NELL1: variants seen among roughly 807,000 people sequenced by gnomAD.
NELL1 encodes the protein neural EGFL like 1, also known as protein kinase C-binding protein NELL1.
In NELL1, 76 loss-of-function variants were observed where a neutral mutation model predicts 107.4. The ratio of observed to expected loss-of-function variants is 0.71; its 90% CI spans 0.59 to 0.86. The LOEUF (loss-of-function observed/expected upper bound fraction) is 0.86. Among genes scored for constraint, NELL1 ranks in the 40% least tolerant of loss-of-function variants. The pLI, the probability that NELL1 is intolerant of heterozygous loss-of-function variation, is 0.00. For missense variants in NELL1, 1,024 were observed against 1,005.5 expected (o/e 1.02, Z -0.25); for synonymous variants, 353 against 341.2 (o/e 1.03, Z -0.38).
chr11:21,412,625 G>T (rs1305509870), intron 15 of NELL1, among the ~76,000 whole-genome samples: 4 of 152,072 alleles, frequency 2.6e-5, no homozygotes, highest in Non-Finnish European at 4.4e-5. Context: ...AGGGAAGTGT[G>T]TCTACGGAAC....
chr11:21,433,256 A>G (rs1361627225), intron 15 of NELL1, among the ~76,000 whole-genome samples: 1 of 152,070 alleles, frequency 6.6e-6, no homozygotes, highest in Non-Finnish European at 1.5e-5. Flanking sequence ...TATATGCCAC[A>G]TTTTCTGTAT....
chr11:21,182,880 G>T (rs992579321), intron 13 of NELL1, among the ~76,000 whole-genome samples: 2 of 151,808 alleles, frequency 1.3e-5, no homozygotes, highest in South Asian at 4.1e-4. Context: ...ACTGCTACTG[G>T]AAAGAAAATT....
At chr11:20,915,220 T>C (rs1050062714) in intron 5 of NELL1, among the ~76,000 whole-genome samples, 1 of 152,018 alleles carries the variant, frequency 6.6e-6, no homozygotes, top group Non-Finnish European at 1.5e-5. Context: ...GCAATAATTT[T>C]AACCATTGTG....
At chr11:21,477,473 G>A (rs1295699254) in intron 15 of NELL1, among the ~76,000 whole-genome samples, 1 of 152,140 alleles carries the variant, frequency 6.6e-6, no homozygotes, top group African/African-American at 2.4e-5. Context: ...AAGAGCCATA[G>A]CATTACTGGG....
intron 12 of NELL1, among the ~76,000 whole-genome samples, chr11:20,977,191 G>T (rs1284810694): frequency 2.6e-5 from 4 of 151,328 alleles, no homozygotes; most frequent in Admixed American, 6.6e-5. Context: ...TTTCCTTAGG[G>T]TATTTTATAG....
intron 15 of NELL1, among the ~76,000 whole-genome samples, chr11:21,527,022 G>C (rs1176393597): frequency 6.6e-6 from 1 of 152,106 alleles, no homozygotes; most frequent in African/African-American, 2.4e-5. Flanking sequence ...CTCTTCTACT[G>C]CACCATTAGG....
At chr11:20,972,843 T>C (rs1348542236) in intron 12 of NELL1, among the ~76,000 whole-genome samples, 1 of 152,170 alleles carries the variant, frequency 6.6e-6, no homozygotes, top group African/African-American at 2.4e-5. Context: ...GGGACATCAG[T>C]TGTTAGTCTG....
At chr11:20,894,624 A>G (rs931603526) in intron 5 of NELL1, among the ~76,000 whole-genome samples, 31 of 152,196 alleles carry the variant, frequency 2.0e-4, no homozygotes, top group African/African-American at 7.0e-4. Context: ...CATACCATGT[A>G]TTTGCAAGGA....
chr11:21,190,656 T>G (rs1857030611), intron 13 of NELL1, among the ~76,000 whole-genome samples: 1 of 151,854 alleles, frequency 6.6e-6, no homozygotes, highest in African/African-American at 2.4e-5. Flanking sequence ...TTCTGACAAC[T>G]AAATACAGGA....
At position 21,054,416 on chromosome 11, in the gene NELL1, A is replaced by C. The variant is rs190774740; in HGVS notation, c.1301-59173A>C. On this transcript the variant is annotated intron_variant, in intron 12 of 19. Transcript: ENST00000357134. ...AGTGTTGTGATTATCTTGTATATAT[A>C]TTTTTGTGAGTATATTTATTATTTT... Among the ~76,000 whole-genome samples the C allele has an allele frequency of 5.1e-3, 775 of 152,138 alleles. 4 individuals are homozygous for C. Among genetic ancestry groups the C allele is most frequent in the African/African-American group, 0.018 (730 of 41,540 alleles).
chr11:21,310,786 A>G (rs1215978939), intron 14 of NELL1, among the ~76,000 whole-genome samples: 1 of 152,048 alleles, frequency 6.6e-6, no homozygotes, highest in East Asian at 1.9e-4. Flanking sequence ...CAGAGATGGG[A>G]GGAACTTTCC....
At chr11:21,137,361 GT>G (rs386751371) in intron 13 of NELL1, among the ~76,000 whole-genome samples, 371 of 152,338 alleles carry the variant, frequency 2.4e-3, no homozygotes, top group African/African-American at 7.3e-3. Flanking sequence ...GGCAGAAAGA[GT>G]TGGTGGTTGG....
intron 13 of NELL1, among the ~76,000 whole-genome samples, chr11:21,159,498 C>A (rs1856315058): frequency 6.6e-6 from 1 of 152,212 alleles, no homozygotes; most frequent in African/African-American, 2.4e-5. Flanking sequence ...ATTTTGCCAA[C>A]TCTGGGAAAT....
At chr11:20,906,280 TGAA>T (rs1849996139) in intron 5 of NELL1, among the ~76,000 whole-genome samples, 1 of 152,070 alleles carries the variant, frequency 6.6e-6, no homozygotes, top group Non-Finnish European at 1.5e-5. Flanking sequence ...GACTGGATCA[TGAA>T]GAAGACCGGA....
At chr11:20,978,827 A>G (rs1851693116) in intron 12 of NELL1, among the ~76,000 whole-genome samples, 1 of 152,026 alleles carries the variant, frequency 6.6e-6, no homozygotes, top group Non-Finnish European at 1.5e-5. Flanking sequence ...TTACCCTGCA[A>G]AATCAGATTC....
chr11:20,892,515 G>T (rs1192554523), intron 5 of NELL1, among the ~76,000 whole-genome samples: 1 of 152,230 alleles, frequency 6.6e-6, no homozygotes, highest in African/African-American at 2.4e-5. Flanking sequence ...CATTGTGGAC[G>T]ATAGTATGGT....
intron 12 of NELL1, among the ~76,000 whole-genome samples, chr11:20,991,090 G>A (rs1186186094): frequency 6.6e-6 from 1 of 152,180 alleles, no homozygotes; most frequent in African/African-American, 2.4e-5. Flanking sequence ...TTATCCTAAG[G>A]AAGTATTCAG....
intron 3 of NELL1, among the ~76,000 whole-genome samples, chr11:20,834,660 G>A (rs1207514976): frequency 3.3e-5 from 5 of 150,934 alleles, no homozygotes; most frequent in South Asian, 2.1e-4. Flanking sequence ...CTGAGATCAC[G>A]CCACTGAACT....
At chr11:21,067,053 G>A (rs1469947250) in intron 12 of NELL1, among the ~76,000 whole-genome samples, 2 of 152,126 alleles carry the variant, frequency 1.3e-5, no homozygotes. Context: ...GAGACAGCAA[G>A]TGAGACCATC....
Sources: allele counts gnomAD v4.1 joint callset (sites outside exome capture counted in the v4.1 genomes callset), GRCh38; gene constraint gnomAD v4.1.1; transcripts MANE v1.5; gene names NCBI Gene and HGNC (gene_info 2026-07-23, HGNC 2026-07-21).